The following DIP2A variants were observed in gnomAD, a reference collection of about 807,000 sequenced individuals.
DIP2A encodes the protein disco-interacting protein 2 homolog A.
DIP2A carries 85 observed loss-of-function variants against 177.4 expected under a neutral mutation model. The observed-to-expected ratio is 0.48, with a 90% CI of 0.40 to 0.57. DIP2A has a LOEUF of 0.57. DIP2A is among the 20% of genes least tolerant of loss of function. The pLI, the probability that DIP2A is intolerant of heterozygous loss-of-function variation, is 0.00. For synonymous variants in DIP2A, 886 were observed against 881.8 expected (o/e 1.00, Z -0.08); for missense variants, 1,791 against 2,100.2 (o/e 0.85, Z 2.88).
rs1348019829 is a variant in DIP2A, at chr21:46,563,105, C to T, written c.4090-753C>T. Among the ~76,000 whole-genome samples, 1 of 152,128 alleles carries T rather than the reference C, an allele frequency of 6.6e-6. No individual in the cohort carries two copies. The highest frequency in any genetic ancestry group is 1.5e-5 in the Non-Finnish European group (1 of 68,020). ...GGTTTTGGGGCTCAGCTGGGACATG[C>T]AGGGAGAAGATGGAGGCTCCAACAG... is the stretch of plus-strand genomic sequence containing the variant. On this transcript the variant is annotated intron_variant, in intron 34 of 37. Transcript: ENST00000417564. This position sits in a 1 kb window ranked among gnomAD's most constrained non-coding sequence, Gnocchi z 4.3.
At chr21:46,582,283 C>T in the DIP2A span, among the ~76,000 whole-genome samples, 1 of 152,140 alleles carries the variant, frequency 6.6e-6, no homozygotes, top group Non-Finnish European at 1.5e-5. Flanking sequence ...ACTACCCAGT[C>T]TTCCCCGCAC....
At position 46,557,549 on chromosome 21, in the gene DIP2A, G is replaced by A. The variant is rs1569108219; in HGVS notation, c.3630-36G>A. On this transcript the variant is annotated intron_variant, in intron 30 of 37. Coordinates refer to ENST00000417564, the MANE Select transcript of DIP2A (RefSeq NM_015151.4). The surrounding 1 kb of genome is among the most constrained non-coding windows in gnomAD (Gnocchi z 6.0). Reference sequence around the variant, plus strand: ...GAGTGGAGTGCCCAGGGTGCTGGGTGGGCGGGCGGAGCCTCACGAGCCTTC... The same window carrying A: ...GAGTGGAGTGCCCAGGGTGCTGGGTAGGCGGGCGGAGCCTCACGAGCCTTC... 6.3e-7 allele frequency: 1 copy of A among 1,583,546 alleles called. No individual in the cohort carries two copies. Among genetic ancestry groups the A allele is most frequent in the Admixed American group, 1.7e-5 (1 of 58,996 alleles).
chr21:46,530,679 A>T (rs2059319605), intron 9 of DIP2A, among the ~76,000 whole-genome samples: 1 of 152,170 alleles, frequency 6.6e-6, no homozygotes. Context: ...AGAAAGTAGA[A>T]CATTTTAAAT....
intron 1 of DIP2A, chr21:46,463,192 A>T (rs2054476710): frequency 6.6e-6 from 1 of 152,232 alleles, no homozygotes; most frequent in South Asian, 2.1e-4. Flanking sequence ...CTGAAAACCT[A>T]TCAGGATGTT....
the DIP2A span, among the ~76,000 whole-genome samples, chr21:46,583,110 C>T: frequency 6.6e-5 from 10 of 152,134 alleles, no homozygotes; most frequent in African/African-American, 2.4e-4. Context: ...AGTGGCTATA[C>T]TAATCTCATA....
At chr21:46,467,257 C>T (rs1436837584) in intron 1 of DIP2A, among the ~76,000 whole-genome samples, 5 of 144,010 alleles carry the variant, frequency 3.5e-5, no homozygotes, top group African/African-American at 1.3e-4. Flanking sequence ...TATCGCACCG[C>T]TGCACTCCAG....
In DIP2A at chr21:46,516,365, T is replaced by A. The variant is rs2058572393; in HGVS notation, c.1102+4751T>A. ...GGGACTCCAGTTACACTTATACTTT[T>A]TCCCTGAGTCCTACATTTTTAATGT... On this transcript the variant is annotated intron_variant, in intron 8 of 37. Transcript: ENST00000417564. 2.0e-5 allele frequency among the ~76,000 whole-genome samples: 3 copies of A among 152,152 alleles called. No individual in the cohort carries two copies. The South Asian group carries it at 6.2e-4, about 32-fold the overall frequency.
chr21:46,521,648 C>T (rs2058830164), intron 8 of DIP2A, among the ~76,000 whole-genome samples: 1 of 152,174 alleles, frequency 6.6e-6, no homozygotes. Flanking sequence ...CCTTTTATAA[C>T]CCTTTACACT....
chr21:46,581,192 A>G, the DIP2A span, among the ~76,000 whole-genome samples: 2 of 152,118 alleles, frequency 1.3e-5, no homozygotes, highest in Admixed American at 1.3e-4. Flanking sequence ...TTTAAGCAAG[A>G]TAGTCTTCAA....
Position 46,504,341 on chromosome 21 carries a change from G to C in DIP2A, c.656-20G>C, listed in dbSNP as rs1336338673. On this transcript the variant is annotated intron_variant, in intron 5 of 37. Coordinates refer to ENST00000417564, the MANE Select transcript of DIP2A (RefSeq NM_015151.4). ...TGACTTAACAGCCACTTTCATTTTG[G>C]GTGTGTTTTTCAAAAGCAGATCTGC... is the stretch of plus-strand genomic sequence containing the variant. 1.2e-6 allele frequency: 2 copies of C among 1,613,036 alleles called. No homozygotes were observed. The highest frequency in any genetic ancestry group is 3.3e-5 in the Admixed American group (2 of 59,886).
intron 32 of DIP2A, among the ~76,000 whole-genome samples, chr21:46,559,799 C>T (rs142805675): frequency 3.3e-5 from 5 of 152,346 alleles, no homozygotes; most frequent in Non-Finnish European, 7.3e-5. Context: ...TGTCTCCTCC[C>T]TGTCTCACTC....
chr21:46,575,699 A>G, the DIP2A span, among the ~76,000 whole-genome samples: 1 of 152,248 alleles, frequency 6.6e-6, no homozygotes. Flanking sequence ...AGGAGATGAA[A>G]GACTTATAAA....
chr21:46,573,282 G>A (rs928796267), downstream of DIP2A, among the ~76,000 whole-genome samples: 6 of 151,882 alleles, frequency 4.0e-5, no homozygotes, highest in Admixed American at 6.6e-5. Context: ...GCAGAATGGG[G>A]AAAAAACAGG....
In DIP2A at chr21:46,485,853, A is replaced by G. The variant is rs1342564394; in HGVS notation, c.163+1025A>G. ...TTTGGGAGGCTGAGGTGGGGGGATC[A>G]TGAGGTCAGGAGTTCAAGACCAGCC... On this transcript the variant is annotated intron_variant, in intron 2 of 37. Transcript: ENST00000417564. Among the ~76,000 whole-genome samples, 3 of 151,904 alleles carry G rather than the reference A, an allele frequency of 2.0e-5. No homozygotes were observed. The South Asian group carries it at 6.2e-4, about 32-fold the overall frequency.
At position 46,487,848 on chromosome 21, in the gene DIP2A, G is replaced by C. The variant is rs140583110; in HGVS notation, c.164-2752G>C. ...AAGAAACATACCAGTTTCCTAACTG[G>C]AAAAACTTAATACATCCTATAAAAC... On this transcript the variant is annotated intron_variant, in intron 2 of 37. Transcript: ENST00000417564. 6.4e-4 allele frequency among the ~76,000 whole-genome samples: 98 copies of C among 152,276 alleles called. 1 individual carries two copies. In the East Asian group the frequency reaches 0.018, roughly 28 times the overall value.
At chr21:46,524,384 T>A (rs1327629296) in intron 8 of DIP2A, among the ~76,000 whole-genome samples, 3 of 152,248 alleles carry the variant, frequency 2.0e-5, no homozygotes, top group East Asian at 3.9e-4. Flanking sequence ...AAACTCTGAC[T>A]CCCCTAAGTT....
intron 35 of DIP2A, 77 bp from the exon 36 acceptor site, chr21:46,565,636 G>A (rs2060812589): frequency 1.4e-6 from 2 of 1,419,954 alleles, no homozygotes; most frequent in Non-Finnish European, 1.9e-6. Flanking sequence ...ATTATTCTTG[G>A]CCAGTGGATG....
chr21:46,504,135 G>T (rs2057850353), intron 5 of DIP2A, among the ~76,000 whole-genome samples: 1 of 152,232 alleles, frequency 6.6e-6, no homozygotes, highest in South Asian at 2.1e-4. Context: ...ATCCCTTTGA[G>T]AATTGAGCCA....
downstream of DIP2A, among the ~76,000 whole-genome samples, chr21:46,574,042 AAATAG>A (rs1270506915): frequency 7.2e-5 from 11 of 152,326 alleles, no homozygotes; most frequent in African/African-American, 2.4e-4. Context: ...CCAACAATAA[AAATAG>A]AATACACATT....
Sources: gnomAD v4.1 joint callset for allele counts (sites outside exome capture counted in the v4.1 genomes callset) on GRCh38, gnomAD v4.1.1 for gene constraint, Gnocchi (gnomAD v3.1) non-coding constraint, MANE v1.5 for transcripts, NCBI Gene and HGNC (gene_info 2026-07-23, HGNC 2026-07-21) for gene names.